The following SMAD2 variants were observed in gnomAD, a reference collection of about 807,000 sequenced individuals.
SMAD2 encodes SMAD family member 2.
A neutral mutation model predicts 64.4 loss-of-function variants in SMAD2; 8 were observed. The observed-to-expected ratio is 0.12, with a 90% CI of 0.07 to 0.22. SMAD2 has a LOEUF of 0.22. Ranked by LOEUF, SMAD2 falls within the 10% of genes least tolerant of loss-of-function variation. The pLI, the probability that SMAD2 is intolerant of heterozygous loss-of-function variation, is 1.00. For synonymous variants in SMAD2, 203 were observed against 195.8 expected, an observed-to-expected ratio of 1.04 and a Z score of -0.31; for missense variants, 289 against 561.2, an observed-to-expected ratio of 0.51 and a Z score of 4.90.
At chr18:47,862,409 G>C (rs1326461864) in intron 6 of SMAD2, among the ~76,000 whole-genome samples, 1 of 152,138 alleles carries the variant, frequency 6.6e-6, no homozygotes, top group East Asian at 1.9e-4. Flanking sequence ...TCTCTCAAAG[G>C]CTCAAGGGGA....
In SMAD2 at chr18:47,818,704, T is replaced by C. The variant is rs759877548; in HGVS notation, c.*23123A>G. On this transcript the variant is annotated 3_prime_UTR_variant, in exon 11 of 11. Coordinates refer to ENST00000262160, the MANE Select transcript of SMAD2 (RefSeq NM_005901.6). ...CTAGCTAAAAATGTAAGCATTTAAA[T>C]ATTAACATTAAACTCATTTGAAACT... The C allele has an allele frequency of 6.6e-6, 1 of 152,202 alleles. No individual in the cohort carries two copies. The highest frequency in any genetic ancestry group is 1.5e-5 in the Non-Finnish European group (1 of 68,028). The allele number at this position is 152,202 out of a possible 1,614,324, so 9.4% of individuals were successfully genotyped here.
chr18:47,817,217 C>G lies in SMAD2; in HGVS notation c.*24610G>C, dbSNP rs1912402891. On this transcript the variant is annotated 3_prime_UTR_variant, in exon 11 of 11. Coordinates refer to ENST00000262160, the MANE Select transcript of SMAD2 (RefSeq NM_005901.6). ...GTGATCTCAGAATCAGTATGCAGTA[C>G]TCACAGGAGCCCTTTGGGCTCTCCG... 2 of 152,242 alleles carry G rather than the reference C, an allele frequency of 1.3e-5. No homozygotes were observed. Among genetic ancestry groups the G allele is most frequent in the South Asian group, 4.1e-4 (2 of 4,832 alleles). The allele number at this position is 152,242 out of a possible 1,614,324, so 9.4% of individuals were successfully genotyped here. A position where few individuals can be genotyped will look rare whatever the true frequency, so the allele number is the denominator to read the frequency against.
intron 1 of SMAD2, among the ~76,000 whole-genome samples, chr18:47,910,722 G>C (rs1379457984): frequency 6.6e-6 from 1 of 152,114 alleles, no homozygotes; most frequent in Non-Finnish European, 1.5e-5. Context: ...TCTTCCTTAT[G>C]ATTTTCTTAG....
At chr18:47,895,126 T>C (rs1164944698) in intron 2 of SMAD2, 1 of 152,248 alleles carries the variant, frequency 6.6e-6, no homozygotes, top group African/African-American at 2.4e-5. Flanking sequence ...TCCATCAGAA[T>C]AAACTTACTT....
intron 2 of SMAD2, among the ~76,000 whole-genome samples, chr18:47,873,470 A>C (rs1253309798): frequency 6.6e-6 from 1 of 152,218 alleles, no homozygotes; most frequent in Non-Finnish European, 1.5e-5. Flanking sequence ...GTAATAAGCC[A>C]AAACAAATAA....
intron 10 of SMAD2, among the ~76,000 whole-genome samples, chr18:47,842,288 G>A (rs1193152190): frequency 6.6e-6 from 1 of 152,086 alleles, no homozygotes; most frequent in Non-Finnish European, 1.5e-5. Context: ...ACACCTGTAA[G>A]CCCAGCACTT....
rs1912880985 is a variant in SMAD2 at position 47,828,870 on chromosome 18, C to T, written c.*12957G>A. The T allele has an allele frequency of 6.9e-6, 1 of 145,568 alleles. No homozygotes were observed. The allele number at this position is 145,568 out of a possible 1,614,324, so 9.0% of individuals were successfully genotyped here. On this transcript the variant is annotated 3_prime_UTR_variant, in exon 11 of 11. Transcript: ENST00000262160. Reference sequence around the variant, plus strand: ...TGTTTATCTGCTGACCTTCCCTCCACTATTGTCCTATGACCCTGCCACATC... The same window carrying T: ...TGTTTATCTGCTGACCTTCCCTCCATTATTGTCCTATGACCCTGCCACATC...
rs1387824127 is a variant in SMAD2 at position 47,810,294 on chromosome 18, T to G, written c.*31533A>C. Reference sequence around the variant, plus strand: ...TCCCCAAACCTCCTGAGCCTTCTCCTTGCCCCCTTCCCACCTCTTCCCTAC... The same window carrying G: ...TCCCCAAACCTCCTGAGCCTTCTCCGTGCCCCCTTCCCACCTCTTCCCTAC... On this transcript the variant is annotated 3_prime_UTR_variant, in exon 11 of 11. Coordinates refer to ENST00000262160, the MANE Select transcript of SMAD2 (RefSeq NM_005901.6). 1 of 152,684 alleles carries G rather than the reference T, an allele frequency of 6.5e-6. No individual in the cohort carries two copies. The highest frequency in any genetic ancestry group is 1.5e-5 in the Non-Finnish European group (1 of 68,236). The allele number at this position is 152,684 out of a possible 1,614,324, so 9.5% of individuals were successfully genotyped here. A position where few individuals can be genotyped will look rare whatever the true frequency, so the allele number is the denominator to read the frequency against.
intron 1 of SMAD2, among the ~76,000 whole-genome samples, chr18:47,898,415 GTA>G (rs1030535546): frequency 2.6e-5 from 4 of 151,776 alleles, no homozygotes; most frequent in African/African-American, 9.7e-5. Flanking sequence ...ATGTTTTTGT[GTA>G]TGTGTGTACA....
intron 1 of SMAD2, among the ~76,000 whole-genome samples, chr18:47,921,625 A>G (rs1384899830): frequency 1.3e-5 from 2 of 152,222 alleles, no homozygotes; most frequent in Non-Finnish European, 2.9e-5. Flanking sequence ...TGTTTCAATG[A>G]TACCAGAACA....
At position 47,827,521 on chromosome 18, in the gene SMAD2, C is replaced by G. The variant is rs1262809312; in HGVS notation, c.*14306G>C. 6.6e-6 allele frequency: 1 copy of G among 152,436 alleles called. No homozygotes were observed. The highest frequency in any genetic ancestry group is 1.5e-5 in the Non-Finnish European group (1 of 68,222). The allele number at this position is 152,436 out of a possible 1,614,324, so 9.4% of individuals were successfully genotyped here. On this transcript the variant is annotated 3_prime_UTR_variant, in exon 11 of 11. Transcript: ENST00000262160. ...GTCTCCCACTTTCCACCGTCTCCCT[C>G]TGATGCCGAGCCAAGGCTGGACTGT...
chr18:47,854,631 T>C (rs977011385), intron 6 of SMAD2, among the ~76,000 whole-genome samples: 2 of 120,832 alleles, frequency 1.7e-5, no homozygotes, highest in Non-Finnish European at 3.5e-5. Context: ...TTTGCAAATA[T>C]TCACCCAGGT....
intron 2 of SMAD2, among the ~76,000 whole-genome samples, chr18:47,880,747 T>C (rs2144415503): frequency 6.6e-6 from 1 of 152,334 alleles, no homozygotes; most frequent in South Asian, 2.1e-4. Flanking sequence ...AGAGGTTCTG[T>C]TACAATCTTC....
intron 1 of SMAD2, among the ~76,000 whole-genome samples, chr18:47,909,275 G>T (rs1452732401): frequency 6.6e-6 from 1 of 152,236 alleles, no homozygotes; most frequent in South Asian, 2.1e-4. Flanking sequence ...ACAACTTAAA[G>T]CAAAATTAAG....
Position 47,820,938 on chromosome 18 carries a change from CACAA to C in SMAD2, c.*20885_*20888del, listed in dbSNP as rs1212361827. ...ACACACACACACACACACACACACA[CACAA>C]AATTTGGTCCCCAATGTTAGAACAA... On this transcript the variant is annotated 3_prime_UTR_variant, in exon 11 of 11. Coordinates refer to ENST00000262160, the MANE Select transcript of SMAD2 (RefSeq NM_005901.6). The C allele has an allele frequency of 1.6e-4, 21 of 129,442 alleles. No individual in the cohort carries two copies. The highest frequency in any genetic ancestry group is 2.4e-4 in the East Asian group (1 of 4,244). 8.0% of individuals were successfully genotyped at this position (129,442 alleles called of 1,614,324 possible). A position where few individuals can be genotyped will look rare whatever the true frequency, so the allele number is the denominator to read the frequency against.
chr18:47,839,366 A>T lies in SMAD2; in HGVS notation c.*2461T>A. ...TCCCTAACACCATTACAAGTTCTCAAGTAAGAAAAAGAAGGGCAGAGGCTC... is the reference window on the plus strand; with the variant it reads ...TCCCTAACACCATTACAAGTTCTCATGTAAGAAAAAGAAGGGCAGAGGCTC... On this transcript the variant is annotated 3_prime_UTR_variant, in exon 11 of 11. Transcript: ENST00000262160. 1 of 233,356 alleles carries T rather than the reference A, an allele frequency of 4.3e-6. No individual in the cohort carries two copies. Among genetic ancestry groups the T allele is most frequent in the Non-Finnish European group, 8.5e-6 (1 of 118,044 alleles). 14.5% of individuals were successfully genotyped at this position (233,356 alleles called of 1,614,324 possible).
intron 1 of SMAD2, among the ~76,000 whole-genome samples, chr18:47,920,484 C>T (rs1303799680): frequency 4.6e-5 from 7 of 152,176 alleles, no homozygotes; most frequent in Non-Finnish European, 8.8e-5. Context: ...TCAATAGCCA[C>T]ATGGTGGCTA....
intron 2 of SMAD2, among the ~76,000 whole-genome samples, chr18:47,887,892 A>G (rs2032993310): frequency 6.6e-6 from 1 of 152,194 alleles, no homozygotes; most frequent in Non-Finnish European, 1.5e-5. Flanking sequence ...CTCGCCAAAA[A>G]TCTTTTCACT....
At chr18:47,847,798 T>C (rs555760527) in intron 8 of SMAD2, among the ~76,000 whole-genome samples, 195 of 152,116 alleles carry the variant, frequency 1.3e-3, no homozygotes, top group African/African-American at 4.4e-3. Context: ...ATTTCATCTC[T>C]TGCAAAATCA....
Sources: allele counts gnomAD v4.1 joint callset (sites outside exome capture counted in the v4.1 genomes callset), GRCh38; gene constraint gnomAD v4.1.1; transcripts MANE v1.5; gene names NCBI Gene and HGNC (gene_info 2026-07-23, HGNC 2026-07-21).